GLYATL2: variants seen among roughly 807,000 people sequenced by gnomAD.
GLYATL2 encodes glycine N-acyltransferase-like protein 2.
Under a neutral mutation model 21.4 loss-of-function variants are expected in GLYATL2, and 25 were observed. That is an observed-to-expected ratio of 1.17 (90% CI 0.85 to 1.63). The LOEUF is 1.63. GLYATL2 is among the 40% of genes most tolerant of loss of function. The pLI, the probability that GLYATL2 is intolerant of heterozygous loss-of-function variation, is 0.00. For missense variants in GLYATL2, 361 were observed against 343.3 expected, an observed-to-expected ratio of 1.05 and a Z score of -0.41; for synonymous variants, 114 against 118.2, an observed-to-expected ratio of 0.96 and a Z score of 0.23.
At chr11:58,895,454 C>T (rs537964756) in intron 1 of GLYATL2, among the ~76,000 whole-genome samples, 1 of 152,264 alleles carries the variant, frequency 6.6e-6, no homozygotes, top group African/African-American at 2.4e-5. Context: ...TTTCTGGAAC[C>T]TGGGAAGGGA....
intron 1 of GLYATL2, among the ~76,000 whole-genome samples, chr11:58,876,035 T>G (rs1249103352): frequency 6.6e-6 from 1 of 152,226 alleles, no homozygotes; most frequent in African/African-American, 2.4e-5. Context: ...TTCATTTCAT[T>G]CATTTCATCT....
At chr11:58,868,477 G>A (rs1565098757) in intron 1 of GLYATL2, among the ~76,000 whole-genome samples, 2 of 148,864 alleles carry the variant, frequency 1.3e-5, no homozygotes, top group Admixed American at 6.9e-5. Context: ...ATTTTAGTTG[G>A]TCAGGGAGAT....
At chr11:58,889,742 T>TTTTATATTTGATATTGATATA (rs1401227231) in intron 1 of GLYATL2, among the ~76,000 whole-genome samples, 1 of 152,142 alleles carries the variant, frequency 6.6e-6, no homozygotes, top group African/African-American at 2.4e-5. Flanking sequence ...CCTTTTGATA[T>TTTTATATTTGATATTGATATA]ACTACCGAAT....
At chr11:58,909,631 GA>G in the GLYATL2 span, among the ~76,000 whole-genome samples, 2 of 152,186 alleles carry the variant, frequency 1.3e-5, no homozygotes, top group Non-Finnish European at 2.9e-5. Context: ...ATGTACACGT[GA>G]AAATATATTT....
At chr11:58,856,596 G>T (rs181355375) in intron 1 of GLYATL2, among the ~76,000 whole-genome samples, 1 of 151,998 alleles carries the variant, frequency 6.6e-6, no homozygotes, top group South Asian at 2.1e-4. Flanking sequence ...TCATTGTATG[G>T]TTTATAACTG....
Position 58,837,181 on chromosome 11 carries a change from GA to G in GLYATL2, c.314-5del. 4 of 1,613,346 alleles carry G rather than the reference GA, an allele frequency of 2.5e-6. No individual in the cohort carries two copies. Among genetic ancestry groups the G allele is most frequent in the Non-Finnish European group, 3.4e-6 (4 of 1,179,730 alleles). ...TCATCCAAGCCCTCTTGGCAACCTG[GA>G]GAAAGGAGAAAGACAAGTACCACTT... On this transcript the variant is annotated splice_region_variant and splice_polypyrimidine_tract_variant and intron_variant, in intron 4 of 5. Transcript: ENST00000287275.
chr11:58,841,582 A>T (rs1235444981), intron 1 of GLYATL2, among the ~76,000 whole-genome samples: 2 of 152,216 alleles, frequency 1.3e-5, no homozygotes, highest in African/African-American at 4.8e-5. Flanking sequence ...GAAAACTGCA[A>T]CTTCAAAGAT....
chr11:58,904,179 C>T (rs1854799831), exon 1 of GLYATL2: 1 of 152,220 alleles, frequency 6.6e-6, no homozygotes, highest in Admixed American at 6.5e-5. Flanking sequence ...GCTCCGACAT[C>T]TTTGCAATCC....
intron 1 of GLYATL2, among the ~76,000 whole-genome samples, chr11:58,865,810 A>G (rs1367652269): frequency 1.3e-5 from 2 of 149,172 alleles, no homozygotes; most frequent in African/African-American, 2.4e-5. Context: ...GCAAATAATG[A>G]AAGCTAAATT....
Position 58,834,483 on chromosome 11 carries a change from C to A in GLYATL2, c.831G>T (p.Lys277Asn), listed in dbSNP as rs1235610319. 6.2e-7 allele frequency: 1 copy of A among 1,611,752 alleles called. No individual in the cohort carries two copies. Among genetic ancestry groups the A allele is most frequent in the Admixed American group, 1.7e-5 (1 of 59,572 alleles). ...SLQALNNLGF[K>N]ICPCGWHQWK... is the part of the protein sequence containing the mutation. Reference sequence around the variant, plus strand: ...ACTGATGCCAGCCACAAGGACAAATCTTAAACCCCAAATTGTTCAGTGCCT... The same window carrying A: ...ACTGATGCCAGCCACAAGGACAAATATTAAACCCCAAATTGTTCAGTGCCT... Residue 277 changes from lysine to asparagine, a missense_variant, in exon 6 of 6, where the codon AAG becomes AAT. By Grantham distance (94) the Lys-to-Asn change is moderately conservative (BLOSUM62 0). Coordinates refer to ENST00000287275, the MANE Select transcript of GLYATL2 (RefSeq NM_145016.4).
chr11:58,857,363 G>T (rs1216143463), intron 1 of GLYATL2, among the ~76,000 whole-genome samples: 1 of 152,212 alleles, frequency 6.6e-6, no homozygotes, highest in Non-Finnish European at 1.5e-5. Flanking sequence ...GCGGCAGCTG[G>T]CTGGGGAGGG....
At chr11:58,861,284 T>C (rs560611333) in intron 1 of GLYATL2, among the ~76,000 whole-genome samples, 1 of 152,106 alleles carries the variant, frequency 6.6e-6, no homozygotes, top group South Asian at 2.1e-4. Context: ...TATTGGTTTG[T>C]TTAGATTTTC....
At chr11:58,907,768 C>A (rs769104882), upstream of GLYATL2, 2 of 197,240 alleles carry the variant, frequency 1.0e-5, no homozygotes, top group Non-Finnish European at 2.1e-5. Flanking sequence ...GAGCTTTGTT[C>A]CAGTACGTTG....
At chr11:58,873,495 A>T (rs985784547) in intron 1 of GLYATL2, among the ~76,000 whole-genome samples, 1 of 152,196 alleles carries the variant, frequency 6.6e-6, no homozygotes, top group Non-Finnish European at 1.5e-5. Flanking sequence ...TTTAGCATGA[A>T]GGGCTGTTGA....
chr11:58,834,986 C>T (rs1427186589), intron 5 of GLYATL2, 149 bp from the exon 6 acceptor site: 12 of 610,036 alleles, frequency 2.0e-5, no homozygotes, highest in Non-Finnish European at 2.5e-5. Context: ...TCTATTTCCG[C>T]TTCAAAATGT....
chr11:58,859,149 G>A (rs149916496), intron 1 of GLYATL2, among the ~76,000 whole-genome samples: 1 of 152,202 alleles, frequency 6.6e-6, no homozygotes, highest in East Asian at 1.9e-4. Context: ...TGCCTTTGGT[G>A]TGAGATGTTC....
At chr11:58,844,158 G>A (rs578026692) in intron 1 of GLYATL2, among the ~76,000 whole-genome samples, 113 of 152,104 alleles carry the variant, frequency 7.4e-4, no homozygotes, top group African/African-American at 2.5e-3. Flanking sequence ...GTCAGAGAAA[G>A]GTACAAGCAT....
upstream of GLYATL2, among the ~76,000 whole-genome samples, chr11:58,848,116 A>G (rs933463617): frequency 1.9e-4 from 28 of 150,454 alleles, no homozygotes; most frequent in African/African-American, 6.9e-4. Context: ...TACCTTTATG[A>G]GTCTTCAAAA....
intron 1 of GLYATL2, among the ~76,000 whole-genome samples, chr11:58,875,589 A>C (rs575187989): frequency 3.0e-4 from 45 of 152,050 alleles, no homozygotes; most frequent in Middle Eastern, 3.2e-3. Context: ...GTTGAAAATT[A>C]TTTTCTTTAA....
Sources: allele counts gnomAD v4.1 joint callset (sites outside exome capture counted in the v4.1 genomes callset), GRCh38; gene constraint gnomAD v4.1.1; transcripts MANE v1.5; gene names NCBI Gene and HGNC (gene_info 2026-07-23, HGNC 2026-07-21).